LIMS2: variants seen among roughly 807,000 people sequenced by gnomAD.
The protein encoded by LIMS2 is LIM zinc finger domain containing 2, also known as LIM and senescent cell antigen-like-containing domain protein 2.
In LIMS2, 30 loss-of-function variants were observed where a neutral mutation model predicts 45.3. The observed-to-expected ratio is 0.66, with a 90% CI of 0.50 to 0.90. The LOEUF is 0.90. Among genes scored for constraint, LIMS2 ranks in the 40% least tolerant of loss-of-function variants. The pLI is 0.00. For synonymous variants in LIMS2, 173 were observed against 188.0 expected, an observed-to-expected ratio of 0.92 and a Z score of 0.65; for missense variants, 485 against 468.7, an observed-to-expected ratio of 1.03 and a Z score of -0.32.
At chr2:127,645,549 G>A (rs1412430395) in intron 4 of LIMS2, among the ~76,000 whole-genome samples, 2 of 152,332 alleles carry the variant, frequency 1.3e-5, no homozygotes, top group East Asian at 3.9e-4. Context: ...CCCGGCCTCT[G>A]AGCTGAGCCG....
In LIMS2 at chr2:127,644,840, C is replaced by T. The variant is rs572944191; in HGVS notation, c.360-1768G>A. Among the ~76,000 whole-genome samples, 7 of 152,308 alleles carry T rather than the reference C, an allele frequency of 4.6e-5. No individual in the cohort carries two copies. In the South Asian group the frequency reaches 8.3e-4, roughly 18 times the overall value. Reference sequence around the variant, plus strand: ...GCCAGTTCTTCCAGACAGCCGCCTGCGGGCACAACAGGAAAGAGACCTGCG... The same window carrying T: ...GCCAGTTCTTCCAGACAGCCGCCTGTGGGCACAACAGGAAAGAGACCTGCG... On this transcript the variant is annotated intron_variant, in intron 4 of 9. Coordinates refer to ENST00000355119, the MANE Select transcript of LIMS2 (RefSeq NM_001161403.3).
At position 127,655,098 on chromosome 2, in the gene LIMS2, GC is replaced by G. The variant is rs1317390218; in HGVS notation, c.172-203del. On this transcript the variant is annotated intron_variant, in intron 2 of 9. Coordinates refer to ENST00000355119, the MANE Select transcript of LIMS2 (RefSeq NM_001161403.3). ...GGGATGGTGGGGTGCAAAGGGAGGT[GC>G]CCCCGTGGAAGCTGGAGAGGTCCGT... 1.6e-5 allele frequency: 10 copies of G among 640,478 alleles called. No individual in the cohort carries two copies. The East Asian group carries it at 2.8e-4, about 18-fold the overall frequency. 39.7% of individuals were successfully genotyped at this position (640,478 alleles called of 1,614,324 possible).
chr2:127,661,176 C>T lies in LIMS2; in HGVS notation c.12-3614G>A, dbSNP rs114018846. On this transcript the variant is annotated intron_variant, in intron 1 of 9. Coordinates refer to ENST00000355119, the MANE Select transcript of LIMS2 (RefSeq NM_001161403.3). ...AGGCCGGCAGAGGCCTGGGCCCAGCCGCTCAGCTCTACACGTGATAGCCCC... is the reference window on the plus strand; with the variant it reads ...AGGCCGGCAGAGGCCTGGGCCCAGCTGCTCAGCTCTACACGTGATAGCCCC... Among the ~76,000 whole-genome samples the T allele has an allele frequency of 3.4e-3, 521 of 152,356 alleles. 2 individuals are homozygous for T. The highest frequency in any genetic ancestry group is 0.012 in the African/African-American group (485 of 41,576).
At position 127,640,321 on chromosome 2, in the gene LIMS2, G is replaced by A; in HGVS notation, c.754-3C>T. 1 of 1,612,640 alleles carries A rather than the reference G, an allele frequency of 6.2e-7. No individual in the cohort carries two copies. Among genetic ancestry groups the A allele is most frequent in the Non-Finnish European group, 8.5e-7 (1 of 1,179,884 alleles). Reference sequence around the variant, plus strand: ...TTGTAGCAGACGTCCCCGAAGAGCTGTGGGCCGAGCAGGCTGTCAGAGTAG... The same window carrying A: ...TTGTAGCAGACGTCCCCGAAGAGCTATGGGCCGAGCAGGCTGTCAGAGTAG... On this transcript the variant is annotated splice_polypyrimidine_tract_variant and splice_region_variant and intron_variant, in intron 7 of 9. Coordinates refer to ENST00000355119, the MANE Select transcript of LIMS2 (RefSeq NM_001161403.3).
chr2:127,657,042 A>G (rs1465507497), intron 2 of LIMS2, among the ~76,000 whole-genome samples: 1 of 152,174 alleles, frequency 6.6e-6, no homozygotes, highest in African/African-American at 2.4e-5. Context: ...CCACCCCGGG[A>G]ACCCTGACCC....
At chr2:127,641,064 C>G in intron 6 of LIMS2, 76 bp from the exon 7 acceptor site, 1 of 1,185,418 alleles carries the variant, frequency 8.4e-7, no homozygotes, top group Non-Finnish European at 1.2e-6. Context: ...GACCCGGGGA[C>G]AACAGTGACC....
Position 127,675,383 on chromosome 2 carries a change from G to A in LIMS2, c.-359C>T, listed in dbSNP as rs1685468143. ...ACGGTGGGGTTGGAGGGGTGAGAGTGAGGCGGGGGTGGGAGTGGGGGTAAA... is the reference window on the plus strand; with the variant it reads ...ACGGTGGGGTTGGAGGGGTGAGAGTAAGGCGGGGGTGGGAGTGGGGGTAAA... On this transcript the variant is annotated 5_prime_UTR_variant, in exon 1 of 10. Transcript: ENST00000355119. 7.5e-6 allele frequency: 1 copy of A among 132,536 alleles called. No individual in the cohort carries two copies. The highest frequency in any genetic ancestry group is 7.3e-5 in the Admixed American group (1 of 13,638). 8.2% of individuals were successfully genotyped at this position (132,536 alleles called of 1,614,324 possible).
At chr2:127,648,032 C>A in intron 4 of LIMS2, 1 of 985,834 alleles carries the variant, frequency 1.0e-6, no homozygotes, top group Non-Finnish European at 1.2e-6. Context: ...CCAAGCATCA[C>A]TCACCCCGCC....
rs1682516861 is a variant in LIMS2 at position 127,642,401 on chromosome 2, GCC to G, written c.510-204_510-203del. 2 of 549,602 alleles carry G rather than the reference GCC, an allele frequency of 3.6e-6. No homozygotes were observed. Among genetic ancestry groups the G allele is most frequent in the Admixed American group, 7.0e-5 (2 of 28,600 alleles). The allele number at this position is 549,602 out of a possible 1,614,324, so 34.0% of individuals were successfully genotyped here. On this transcript the variant is annotated intron_variant, in intron 5 of 9. Transcript: ENST00000355119. The surrounding 1 kb of genome is among the most constrained non-coding windows in gnomAD (Gnocchi z 5.3). ...CCCTGGAGCACAGACTTCCTGCACA[GCC>G]CAGAAGAGTGGGCTGTGTTCTGCAC...
intron 1 of LIMS2, among the ~76,000 whole-genome samples, chr2:127,669,717 T>TAA (rs113528757): frequency 3.6e-4 from 53 of 149,020 alleles, no homozygotes; most frequent in African/African-American, 1.0e-3. Flanking sequence ...GACTCCATCT[T>TAA]AAAAAAAAAA....
intron 4 of LIMS2, chr2:127,652,166 GAGT>G (rs1204124248): frequency 4.2e-6 from 1 of 235,916 alleles, no homozygotes; most frequent in Non-Finnish European, 9.0e-6. Flanking sequence ...AGGGACCTGG[GAGT>G]CCTGGTGGGG....
intron 1 of LIMS2, among the ~76,000 whole-genome samples, chr2:127,658,843 C>A (rs1684432324): frequency 6.6e-6 from 1 of 152,170 alleles, no homozygotes; most frequent in Admixed American, 6.5e-5. Flanking sequence ...CGGGTGGTGG[C>A]AGGACTCGAG....
chr2:127,657,601 C>T, intron 1 of LIMS2, 39 bp from the exon 2 acceptor site: 2 of 1,556,830 alleles, frequency 1.3e-6, no homozygotes, highest in Non-Finnish European at 1.7e-6. Context: ...CAGAGCTGGT[C>T]AGGGGTGCAG....
chr2:127,640,044 C>T lies in LIMS2; in HGVS notation c.878+26G>A, dbSNP rs373915233. On this transcript the variant is annotated intron_variant, in intron 9 of 9. Coordinates refer to ENST00000355119, the MANE Select transcript of LIMS2 (RefSeq NM_001161403.3). ...TGCAGGAGCCCCCTCCACCCTGAGCCCCATCCCACGATCACAGGGACTCAC... is the reference window on the plus strand; with the variant it reads ...TGCAGGAGCCCCCTCCACCCTGAGCTCCATCCCACGATCACAGGGACTCAC... 63 of 1,611,468 alleles carry T rather than the reference C, an allele frequency of 3.9e-5. No homozygotes were observed. In the African/African-American group the frequency reaches 7.6e-4, roughly 19 times the overall value.
chr2:127,649,578 C>G (rs1456633579), intron 4 of LIMS2, among the ~76,000 whole-genome samples: 1 of 152,256 alleles, frequency 6.6e-6, no homozygotes, highest in African/African-American at 2.4e-5. Context: ...TCTGGCCCCA[C>G]CGCCTGCCCA....
intron 4 of LIMS2, among the ~76,000 whole-genome samples, chr2:127,646,990 G>C (rs1028913942): frequency 6.6e-6 from 1 of 152,182 alleles, no homozygotes; most frequent in Non-Finnish European, 1.5e-5. Flanking sequence ...CTCAGTCCCA[G>C]AGAGAGCGAG....
At chr2:127,654,675 T>C (rs1347257066) in intron 3 of LIMS2, 131 bp from the exon 4 acceptor site, 2 of 1,507,722 alleles carry the variant, frequency 1.3e-6, no homozygotes, top group African/African-American at 2.7e-5. Context: ...GGGATGGTGA[T>C]GCCTGTAGGG....
chr2:127,645,227 G>A (rs1159846229), intron 4 of LIMS2, among the ~76,000 whole-genome samples: 2 of 152,190 alleles, frequency 1.3e-5, no homozygotes, highest in African/African-American at 4.8e-5. Flanking sequence ...AATCCCAGCT[G>A]CACAGGGTGA....
At chr2:127,651,701 C>T in intron 4 of LIMS2, 1 of 1,613,162 alleles carries the variant, frequency 6.2e-7, no homozygotes, top group African/African-American at 1.3e-5. Flanking sequence ...GCCCGCCCCC[C>T]AGCTTCGAAG....
Sources: allele counts gnomAD v4.1 joint callset (sites outside exome capture counted in the v4.1 genomes callset), GRCh38; gene constraint gnomAD v4.1.1; non-coding constraint Gnocchi (gnomAD v3.1); transcripts MANE v1.5; gene names NCBI Gene and HGNC (gene_info 2026-07-23, HGNC 2026-07-21).